Variants in CLPTM1L observed in about 807,000 individuals in gnomAD.
The protein encoded by CLPTM1L is lipid scramblase CLPTM1L.
A neutral mutation model predicts 70.9 loss-of-function variants in CLPTM1L; 38 were observed. The observed-to-expected ratio is 0.54, with a 90% confidence interval of 0.41 to 0.70. The LOEUF is 0.70. Ranked by LOEUF, CLPTM1L falls within the 30% of genes least tolerant of loss-of-function variation. CLPTM1L has a pLI of 0.00. For synonymous variants in CLPTM1L, 339 were observed against 299.9 expected, an observed-to-expected ratio of 1.13 and a Z score of -1.35; for missense variants, 652 against 705.9, an observed-to-expected ratio of 0.92 and a Z score of 0.87.
In CLPTM1L at chr5:1,318,153, C is replaced by G. The variant is rs1365907249; in HGVS notation, c.*216G>C. On this transcript the variant is annotated 3_prime_UTR_variant, in exon 17 of 17. Coordinates refer to ENST00000320895, the MANE Select transcript of CLPTM1L (RefSeq NM_030782.5). This position sits in a 1 kb window ranked among gnomAD's most constrained non-coding sequence, Gnocchi z 8.9. ...ACAGCTCAAGGTGACCGGCAGCACCCAGCTCTGTGACCAAGACAGATGTTC... is the reference window on the plus strand; with the variant it reads ...ACAGCTCAAGGTGACCGGCAGCACCGAGCTCTGTGACCAAGACAGATGTTC... The G allele has an allele frequency of 1.3e-5, 7 of 559,830 alleles. No individual in the cohort carries two copies. Among genetic ancestry groups the G allele is most frequent in the African/African-American group, 1.9e-5 (1 of 52,548 alleles). The allele number at this position is 559,830 out of a possible 1,614,324, so 34.7% of individuals were successfully genotyped here. A position where few individuals can be genotyped will look rare whatever the true frequency, so the allele number is the denominator to read the frequency against.
chr5:1,330,488 C>A, intron 8 of CLPTM1L, 105 bp from the exon 9 acceptor site: 1 of 820,604 alleles, frequency 1.2e-6, no homozygotes, highest in East Asian at 2.6e-5. Context: ...CCACCACGCC[C>A]AAGAAGCTTC....
intron 16 of CLPTM1L, among the ~76,000 whole-genome samples, chr5:1,320,010 C>T (rs890750030): frequency 1.3e-5 from 2 of 152,168 alleles, no homozygotes; most frequent in Non-Finnish European, 2.9e-5. Context: ...GGGGCCTGAG[C>T]CTCTGCATTT....
rs3030834 is a variant in CLPTM1L at position 1,334,754 on chromosome 5, AAAAC to A, written c.796+299_796+302del. 7.4e-3 allele frequency among the ~76,000 whole-genome samples: 1,117 copies of A among 151,226 alleles called. 5 individuals carry two copies. The highest frequency in any genetic ancestry group is 0.011 in the Non-Finnish European group (727 of 67,820). On this transcript the variant is annotated intron_variant, in intron 6 of 16. Coordinates refer to ENST00000320895, the MANE Select transcript of CLPTM1L (RefSeq NM_030782.5). ...GGGCAACAGAGCGAGACTCTGTCTC[AAAAC>A]AAACAAACAAACAAACAAACAAACA... is the stretch of plus-strand genomic sequence containing the variant.
At chr5:1,320,535 G>A (rs1327803780) in intron 16 of CLPTM1L, 81 bp downstream of exon 16, 2 of 698,106 alleles carry the variant, frequency 2.9e-6, no homozygotes, top group African/African-American at 3.7e-5. Context: ...GGCGCAGGGT[G>A]CGGTGAAAGC....
Position 1,338,002 on chromosome 5 carries a change from T to A in CLPTM1L, c.600-20A>T. 2 of 1,590,182 alleles carry A rather than the reference T, an allele frequency of 1.3e-6. No homozygotes were observed. The highest frequency in any genetic ancestry group is 2.3e-5 in the South Asian group (2 of 87,104). On this transcript the variant is annotated intron_variant, in intron 4 of 16. Transcript: ENST00000320895. ...TGGATCCTGGGATTAAAGCACAACT[T>A]TCCAAAGTCAGCACCAAGGCTTTTA...
At chr5:1,338,832 G>A (rs770335255) in intron 4 of CLPTM1L, 28 bp downstream of exon 4, 90 of 1,611,516 alleles carry the variant, frequency 5.6e-5, no homozygotes, top group Non-Finnish European at 6.9e-5. Flanking sequence ...CCCTCCCCCC[G>A]GCGCTCCAGC....
chr5:1,343,189 CAA>C (rs751176297), intron 2 of CLPTM1L, among the ~76,000 whole-genome samples: 2 of 138,136 alleles, frequency 1.4e-5, no homozygotes. Context: ...GACTCTATCT[CAA>C]AAAAAAAAAA....
chr5:1,333,031 G>GGATAA (rs1753220836), intron 7 of CLPTM1L, among the ~76,000 whole-genome samples: 1 of 132,356 alleles, frequency 7.6e-6, no homozygotes, highest in Non-Finnish European at 1.6e-5. Flanking sequence ...CACCGGATAA[G>GGATAA]GGGGGACTAC....
chr5:1,325,572 G>C, intron 10 of CLPTM1L, 179 bp downstream of exon 10: 1 of 630,398 alleles, frequency 1.6e-6, no homozygotes, highest in Non-Finnish European at 2.9e-6. Flanking sequence ...TATGACCGGG[G>C]AATCCTCAGG....
chr5:1,335,023 C>A, intron 6 of CLPTM1L, 34 bp downstream of exon 6: 1 of 1,570,396 alleles, frequency 6.4e-7, no homozygotes. Context: ...TCCAGGGCGG[C>A]CTCACCCAGG....
chr5:1,327,348 A>G (rs1448189071), intron 9 of CLPTM1L, among the ~76,000 whole-genome samples: 4 of 147,008 alleles, frequency 2.7e-5, no homozygotes, highest in African/African-American at 1.0e-4. Context: ...GACACATTCC[A>G]TCCAGCTCCT....
chr5:1,321,898 G>A, intron 13 of CLPTM1L, 79 bp from the exon 14 acceptor site: 1 of 1,357,516 alleles, frequency 7.4e-7, no homozygotes, highest in Non-Finnish European at 1.0e-6. Context: ...CTCACGAGGT[G>A]TGGAGGGCCG....
intron 9 of CLPTM1L, 145 bp downstream of exon 9, chr5:1,330,135 T>C (rs560983080): frequency 7.2e-6 from 5 of 690,694 alleles, no homozygotes; most frequent in African/African-American, 1.8e-5. Flanking sequence ...CTGCCTGCCA[T>C]CCTACAGCTT....
At chr5:1,339,853 G>C (rs1753829912) in intron 3 of CLPTM1L, among the ~76,000 whole-genome samples, 1 of 125,996 alleles carries the variant, frequency 7.9e-6, no homozygotes, top group African/African-American at 3.0e-5. Context: ...GCCCTAACCT[G>C]TGAACAGATG....
chr5:1,325,651 C>T lies in CLPTM1L; in HGVS notation c.1146+100G>A, dbSNP rs1055890401. On this transcript the variant is annotated intron_variant, in intron 10 of 16. Coordinates refer to ENST00000320895, the MANE Select transcript of CLPTM1L (RefSeq NM_030782.5). ...CGGAGGCTCCCCTGACAGAGGCCCGCAGTGACTCATCTGCAGATGGCCATC... is the reference window on the plus strand; with the variant it reads ...CGGAGGCTCCCCTGACAGAGGCCCGTAGTGACTCATCTGCAGATGGCCATC... 2.1e-5 allele frequency: 20 copies of T among 935,842 alleles called. No homozygotes were observed. The South Asian group carries it at 2.4e-4, about 11-fold the overall frequency. 58.0% of individuals were successfully genotyped at this position (935,842 alleles called of 1,614,324 possible). A position where few individuals can be genotyped will look rare whatever the true frequency, so the allele number is the denominator to read the frequency against.
chr5:1,330,177 A>G (rs1752989086), intron 9 of CLPTM1L, 103 bp downstream of exon 9: 5 of 910,962 alleles, frequency 5.5e-6, no homozygotes, highest in Non-Finnish European at 8.9e-6. Flanking sequence ...GAACAAGCAC[A>G]CAGGCTTCCA....
At chr5:1,326,605 C>T (rs1158806269) in intron 9 of CLPTM1L, among the ~76,000 whole-genome samples, 15 of 152,124 alleles carry the variant, frequency 9.9e-5, no homozygotes, top group Admixed American at 4.6e-4. Flanking sequence ...TCCAGCTCCT[C>T]CTCTACAGAC....
chr5:1,328,902 T>G (rs1295849546), intron 9 of CLPTM1L, among the ~76,000 whole-genome samples: 4 of 150,616 alleles, frequency 2.7e-5, no homozygotes, highest in Non-Finnish European at 1.5e-5. Flanking sequence ...GCTCCTCCTC[T>G]ACAGACACAT....
rs941145507 is a variant in CLPTM1L at position 1,318,940 on chromosome 5, G to A, written c.1533-487C>T. 1.3e-5 allele frequency among the ~76,000 whole-genome samples: 2 copies of A among 152,038 alleles called. No individual in the cohort carries two copies. The highest frequency in any genetic ancestry group is 2.9e-5 in the Non-Finnish European group (2 of 67,992). On this transcript the variant is annotated intron_variant, in intron 16 of 16. Transcript: ENST00000320895. The surrounding 1 kb of genome is among the most constrained non-coding windows in gnomAD (Gnocchi z 8.9). Reference sequence around the variant, plus strand: ...GGATGAGGAAGCTGTGGCATAAGGGGCAGCTCTACACGGCCGCGAACAGAA... The same window carrying A: ...GGATGAGGAAGCTGTGGCATAAGGGACAGCTCTACACGGCCGCGAACAGAA...
Sources: allele counts gnomAD v4.1 joint callset (sites outside exome capture counted in the v4.1 genomes callset), GRCh38; gene constraint gnomAD v4.1.1; non-coding constraint Gnocchi (gnomAD v3.1); transcripts MANE v1.5; gene names NCBI Gene and HGNC (gene_info 2026-07-23, HGNC 2026-07-21).